The following NEBL variants were observed in gnomAD, a reference collection of about 807,000 sequenced individuals.
NEBL encodes the protein LIM and SH3 protein 2.
Under a neutral mutation model 140.2 loss-of-function variants are expected in NEBL, and 122 were observed. The observed-to-expected ratio is 0.87, with a 90% CI of 0.75 to 1.01. NEBL has a LOEUF of 1.01. Ranked by LOEUF, NEBL falls within the 50% of genes least tolerant of loss-of-function variation. The pLI, the probability that NEBL is intolerant of heterozygous loss-of-function variation, is 0.00. For missense variants in NEBL, 1,365 were observed against 1,231.3 expected, an observed-to-expected ratio of 1.11 and a Z score of -1.62; for synonymous variants, 436 against 398.9, an observed-to-expected ratio of 1.09 and a Z score of -1.11.
In NEBL at chr10:21,286,603, C is replaced by T. The variant is rs558895748; in HGVS notation, n.182+6227G>A. On this transcript the variant is annotated intron_variant and non_coding_transcript_variant, in intron 1 of 8. Coordinates refer to the NEBL transcript ENST00000675702. ...ATCCCAGCACTTTGGGAGGCCAAGG[C>T]GGGTGGATCACAAGGTCAGGAGATC... is the stretch of plus-strand genomic sequence containing the variant. 6.6e-5 allele frequency among the ~76,000 whole-genome samples: 10 copies of T among 152,248 alleles called. No individual in the cohort carries two copies. In the South Asian group the frequency reaches 1.2e-3, roughly 19 times the overall value.
At chr10:21,112,997 A>C (rs556835436) in intron 2 of NEBL, 2 of 284,610 alleles carry the variant, frequency 7.0e-6, no homozygotes, top group South Asian at 7.7e-5. Flanking sequence ...CACAGAAAAA[A>C]AGTAAAACTT....
intron 3 of NEBL, among the ~76,000 whole-genome samples, chr10:20,967,695 G>A (rs2131630309): frequency 6.6e-6 from 1 of 152,102 alleles, no homozygotes; most frequent in African/African-American, 2.4e-5. Flanking sequence ...AACTTTCAGG[G>A]GAGTGGTGAC....
chr10:21,096,282 C>A (rs894262489), intron 2 of NEBL, among the ~76,000 whole-genome samples: 1 of 152,158 alleles, frequency 6.6e-6, no homozygotes, highest in East Asian at 1.9e-4. Context: ...CTATTCTCAT[C>A]CTCAGTCAGC....
intron 2 of NEBL, among the ~76,000 whole-genome samples, chr10:21,083,157 G>A (rs970222981): frequency 3.3e-5 from 5 of 152,098 alleles, no homozygotes; most frequent in Non-Finnish European, 7.4e-5. Context: ...GAGCCCCTTT[G>A]GTATAAAAGC....
chr10:21,153,744 G>T (rs1840232281), intron 2 of NEBL, among the ~76,000 whole-genome samples: 1 of 152,062 alleles, frequency 6.6e-6, no homozygotes, highest in Non-Finnish European at 1.5e-5. Context: ...TCGAACTCCT[G>T]ACCTCGTGAT....
intron 2 of NEBL, among the ~76,000 whole-genome samples, chr10:21,050,116 A>G (rs901838633): frequency 5.3e-5 from 8 of 152,188 alleles, no homozygotes; most frequent in Admixed American, 3.3e-4. Context: ...ATAAACTGCT[A>G]CTATCTCATA....
intron 3 of NEBL, among the ~76,000 whole-genome samples, chr10:21,018,090 C>T (rs973781704): frequency 1.3e-5 from 2 of 151,978 alleles, no homozygotes; most frequent in African/African-American, 2.4e-5. Flanking sequence ...CCAAAGTGCT[C>T]GGATTACAGG....
chr10:21,249,681 T>C (rs922670002), intron 2 of NEBL, among the ~76,000 whole-genome samples: 1 of 151,496 alleles, frequency 6.6e-6, no homozygotes, highest in African/African-American at 2.4e-5. Context: ...AGAATCATGA[T>C]TCAAATATTA....
intron 11 of NEBL, among the ~76,000 whole-genome samples, chr10:20,847,575 G>C (rs1253199004): frequency 1.3e-5 from 2 of 152,136 alleles, no homozygotes; most frequent in Non-Finnish European, 2.9e-5. Context: ...AATGATAAAA[G>C]GTTGCTCAGC....
At chr10:20,888,583 G>A (rs1180693055) in intron 3 of NEBL, among the ~76,000 whole-genome samples, 2 of 152,160 alleles carry the variant, frequency 1.3e-5, no homozygotes, top group Admixed American at 6.5e-5. Context: ...CTTGACAAAG[G>A]ACAGTGTTCT....
At chr10:20,879,669 G>A (rs1845837414) in intron 5 of NEBL, among the ~76,000 whole-genome samples, 1 of 152,156 alleles carries the variant, frequency 6.6e-6, no homozygotes, top group Non-Finnish European at 1.5e-5. Flanking sequence ...GAACAGACTG[G>A]ATGTGAGATG....
intron 2 of NEBL, among the ~76,000 whole-genome samples, chr10:21,144,417 C>T (rs920704227): frequency 4.6e-5 from 7 of 152,176 alleles, no homozygotes; most frequent in African/African-American, 1.7e-4. Flanking sequence ...CAAATAACCC[C>T]CTCTTGCTCA....
intron 4 of NEBL, among the ~76,000 whole-genome samples, chr10:20,935,150 G>C (rs535666349): frequency 6.6e-6 from 1 of 152,150 alleles, no homozygotes; most frequent in East Asian, 1.9e-4. Flanking sequence ...AATTCAATCA[G>C]TCCTTCAACA....
intron 2 of NEBL, among the ~76,000 whole-genome samples, chr10:21,106,334 C>A (rs1837715880): frequency 6.6e-6 from 1 of 152,120 alleles, no homozygotes; most frequent in South Asian, 2.1e-4. Context: ...AACATTAAGT[C>A]TTTAATCCAA....
intron 1 of NEBL, among the ~76,000 whole-genome samples, chr10:21,255,167 T>A (rs757227269): frequency 2.0e-5 from 3 of 152,046 alleles, no homozygotes; most frequent in Non-Finnish European, 2.9e-5. Flanking sequence ...CCCTGAGAGT[T>A]TAAGAGGGCG....
chr10:20,967,987 C>A (rs1836402030), intron 3 of NEBL, among the ~76,000 whole-genome samples: 1 of 151,996 alleles, frequency 6.6e-6, no homozygotes, highest in African/African-American at 2.4e-5. Context: ...GTATTATAAC[C>A]AGTAATTCAG....
At chr10:21,215,266 G>A (rs971673526) in intron 3 of NEBL, among the ~76,000 whole-genome samples, 7 of 152,220 alleles carry the variant, frequency 4.6e-5, no homozygotes, top group Non-Finnish European at 8.8e-5. Flanking sequence ...CTATGATCAC[G>A]CCACTGTACT....
At chr10:21,199,507 T>G (rs1047445872) in intron 3 of NEBL, among the ~76,000 whole-genome samples, 2 of 152,164 alleles carry the variant, frequency 1.3e-5, no homozygotes, top group African/African-American at 2.4e-5. Context: ...CCCCCTTAAA[T>G]GTATGTATCA....
In NEBL at chr10:21,025,830, G is replaced by A. The variant is rs1018762393; in HGVS notation, c.165-5629C>T. On this transcript the variant is annotated intron_variant, in intron 2 of 6. Transcript: ENST00000417816. ...AAGAGTAGCACAATTCAGGCTTGCT[G>A]CAAAATTCACACATGCAAGTCATTT... Among the ~76,000 whole-genome samples the A allele has an allele frequency of 2.6e-5, 4 of 152,114 alleles. No individual in the cohort carries two copies. In the East Asian group the frequency reaches 5.8e-4, roughly 22 times the overall value.
Sources: allele counts gnomAD v4.1 joint callset (sites outside exome capture counted in the v4.1 genomes callset), GRCh38; gene constraint gnomAD v4.1.1; transcripts MANE v1.5; gene names NCBI Gene and HGNC (gene_info 2026-07-23, HGNC 2026-07-21).